ZDHHC2: variants seen among roughly 807,000 people sequenced by gnomAD.
ZDHHC2 encodes the protein palmitoyltransferase ZDHHC2.
A neutral mutation model predicts 55.6 loss-of-function variants in ZDHHC2; 51 were observed. The ratio of observed to expected loss-of-function variants is 0.92; its 90% confidence interval spans 0.73 to 1.16. The LOEUF is 1.16. ZDHHC2 is among the 50% of genes most tolerant of loss of function. The probability of loss-of-function intolerance (pLI) is 0.00; values close to 1 mark genes in which losing one functional copy is unlikely to be tolerated. For missense variants in ZDHHC2, 491 were observed against 442.4 expected (o/e 1.11, Z -0.99); for synonymous variants, 199 against 152.9 (o/e 1.30, Z -2.22).
chr8:17,218,026 G>C (rs931201871), intron 12 of ZDHHC2, among the ~76,000 whole-genome samples: 6 of 152,104 alleles, frequency 3.9e-5, no homozygotes, highest in Non-Finnish European at 8.8e-5. Context: ...AAAATGATTT[G>C]CATCAAAGTT....
At chr8:17,157,106 C>T (rs1804098403) in intron 1 of ZDHHC2, among the ~76,000 whole-genome samples, 1 of 152,062 alleles carries the variant, frequency 6.6e-6, no homozygotes, top group Non-Finnish European at 1.5e-5. Context: ...AGCCTCCCGC[C>T]GCCTTCCGCT....
chr8:17,167,017 A>G (rs1475529347), intron 1 of ZDHHC2, among the ~76,000 whole-genome samples: 1 of 152,212 alleles, frequency 6.6e-6, no homozygotes, highest in East Asian at 1.9e-4. Context: ...TCTGAAAATA[A>G]TCTACAGAAA....
intron 1 of ZDHHC2, among the ~76,000 whole-genome samples, chr8:17,174,614 G>A (rs528900576): frequency 1.3e-5 from 2 of 151,708 alleles, no homozygotes; most frequent in African/African-American, 2.4e-5. Context: ...AAATCTTTTG[G>A]GTCATAACCT....
At chr8:17,165,566 G>A (rs1279728447) in intron 1 of ZDHHC2, among the ~76,000 whole-genome samples, 1 of 152,164 alleles carries the variant, frequency 6.6e-6, no homozygotes, top group African/African-American at 2.4e-5. Context: ...AGAACTGAAT[G>A]CATTTTAACC....
At chr8:17,218,525 C>A in intron 12 of ZDHHC2, among the ~76,000 whole-genome samples, 1 of 152,138 alleles carries the variant, frequency 6.6e-6, no homozygotes, top group East Asian at 1.9e-4. Flanking sequence ...GCCATCGAGA[C>A]TTCCCAGTAT....
intron 4 of ZDHHC2, among the ~76,000 whole-genome samples, chr8:17,196,849 T>A (rs567517736): frequency 4.0e-4 from 61 of 151,384 alleles, no homozygotes; most frequent in Non-Finnish European, 2.8e-4. Flanking sequence ...AGGCAGAGGC[T>A]ACAGTGAGCT....
intron 1 of ZDHHC2, among the ~76,000 whole-genome samples, chr8:17,160,744 G>A (rs1240847807): frequency 6.6e-6 from 1 of 152,178 alleles, no homozygotes; most frequent in Non-Finnish European, 1.5e-5. Context: ...TGTAGTTTGG[G>A]GCTATATAGT....
At chr8:17,207,441 AAGC>A (rs1807159067) in intron 7 of ZDHHC2, among the ~76,000 whole-genome samples, 1 of 152,164 alleles carries the variant, frequency 6.6e-6, no homozygotes, top group South Asian at 2.1e-4. Flanking sequence ...AGATAGCTTG[AAGC>A]ATTATTGTGA....
At chr8:17,169,424 A>G (rs1804750487) in intron 1 of ZDHHC2, among the ~76,000 whole-genome samples, 1 of 152,142 alleles carries the variant, frequency 6.6e-6, no homozygotes, top group Non-Finnish European at 1.5e-5. Flanking sequence ...CTTACTGCAT[A>G]TAGGCAGGAA....
intron 1 of ZDHHC2, among the ~76,000 whole-genome samples, chr8:17,176,689 A>G (rs1176121721): frequency 6.6e-6 from 1 of 152,196 alleles, no homozygotes; most frequent in Admixed American, 6.5e-5. Context: ...TAGCTTGGTT[A>G]AGACACAAGA....
chr8:17,165,273 T>G (rs371710536), intron 1 of ZDHHC2, among the ~76,000 whole-genome samples: 1 of 152,192 alleles, frequency 6.6e-6, no homozygotes, highest in East Asian at 1.9e-4. Context: ...GTGACCTGTT[T>G]TAGGAATAAA....
chr8:17,195,611 G>T lies in ZDHHC2; in HGVS notation c.360G>T (p.Arg120Ser). ...RAAKDLPIYTRTMSGAIRYCD... is the reference protein window; with the variant it reads ...RAAKDLPIYTSTMSGAIRYCD... ...CCAAGGATCTTCCCATCTATACCAGGACCATGTCTGGAGGTAAATGTTGAT... is the reference window on the plus strand; with the variant it reads ...CCAAGGATCTTCCCATCTATACCAGTACCATGTCTGGAGGTAAATGTTGAT... Residue 120 changes from arginine (R) to serine (S), a missense_variant, in exon 4 of 13, where the codon AGG (arginine) becomes AGT (serine). Physicochemically the swap from Arg to Ser is moderately radical, Grantham distance 110. Coordinates refer to ENST00000262096, the MANE Select transcript of ZDHHC2 (RefSeq NM_016353.5). The T allele has an allele frequency of 6.2e-7, 1 of 1,613,818 alleles. No individual in the cohort carries two copies. Among genetic ancestry groups the T allele is most frequent in the South Asian group, 1.1e-5 (1 of 91,062 alleles).
At chr8:17,214,449 A>G (rs1241048363) in intron 10 of ZDHHC2, among the ~76,000 whole-genome samples, 1 of 152,270 alleles carries the variant, frequency 6.6e-6, no homozygotes, top group Non-Finnish European at 1.5e-5. Flanking sequence ...TTTTTCCTCA[A>G]CTTTGTCTTC....
chr8:17,174,596 C>T (rs1295742717), intron 1 of ZDHHC2, among the ~76,000 whole-genome samples: 1 of 151,868 alleles, frequency 6.6e-6, no homozygotes, highest in Non-Finnish European at 1.5e-5. Context: ...GGCCAAAGCA[C>T]AGAAAGCAAA....
rs1358415605 is a variant in ZDHHC2, at chr8:17,221,517, A to C, written c.*1296A>C. The C allele has an allele frequency of 6.6e-6, 1 of 152,442 alleles. No homozygotes were observed. The highest frequency in any genetic ancestry group is 1.5e-5 in the Non-Finnish European group (1 of 67,976). The allele number at this position is 152,442 out of a possible 1,614,324, so 9.4% of individuals were successfully genotyped here. ...CAGATTACCTTTTAAAACTGGACCAACTAAGTAATTGGTATTTAATCAAAG... is the reference window on the plus strand; with the variant it reads ...CAGATTACCTTTTAAAACTGGACCACCTAAGTAATTGGTATTTAATCAAAG... On this transcript the variant is annotated 3_prime_UTR_variant, in exon 13 of 13. Transcript: ENST00000262096.
At chr8:17,180,610 A>G (rs981313519) in intron 1 of ZDHHC2, among the ~76,000 whole-genome samples, 1 of 152,192 alleles carries the variant, frequency 6.6e-6, no homozygotes, top group East Asian at 1.9e-4. Context: ...ACTCTACACA[A>G]GGCACTGTGT....
chr8:17,167,304 C>CTTTT (rs371848954), intron 1 of ZDHHC2, among the ~76,000 whole-genome samples: 5 of 108,776 alleles, frequency 4.6e-5, no homozygotes, highest in African/African-American at 1.4e-4. Flanking sequence ...TTTTTTTTAA[C>CTTTT]TTTTTTTTTT....
intron 3 of ZDHHC2, among the ~76,000 whole-genome samples, chr8:17,190,047 C>T (rs1805937801): frequency 6.6e-6 from 1 of 151,968 alleles, no homozygotes; most frequent in Non-Finnish European, 1.5e-5. Flanking sequence ...CCCAGGACTT[C>T]AATTGAAGCA....
chr8:17,207,079 A>G (rs890651613), intron 7 of ZDHHC2, among the ~76,000 whole-genome samples: 6 of 152,202 alleles, frequency 3.9e-5, no homozygotes, highest in African/African-American at 1.4e-4. Flanking sequence ...ACAAACATAT[A>G]TGAAAAGGAA....
Sources: gnomAD v4.1 joint callset for allele counts (sites outside exome capture counted in the v4.1 genomes callset) on GRCh38, gnomAD v4.1.1 for gene constraint, MANE v1.5 for transcripts, NCBI Gene and HGNC (gene_info 2026-07-23, HGNC 2026-07-21) for gene names.